RNF115: variants seen among roughly 807,000 people sequenced by gnomAD.
RNF115 encodes the protein ring finger protein 115, also known as E3 ubiquitin-protein ligase RNF115.
RNF115 carries 31 observed loss-of-function variants against 39.2 expected under a neutral mutation model. That is an observed-to-expected ratio of 0.79 (90% CI 0.59 to 1.07). RNF115 has a LOEUF of 1.07. Among genes scored for constraint, RNF115 ranks in the 50% least tolerant of loss-of-function variants. The probability of loss-of-function intolerance (pLI) is 0.00; values close to 1 mark genes in which losing one functional copy is unlikely to be tolerated. For synonymous variants in RNF115, 124 were observed against 131.0 expected, an observed-to-expected ratio of 0.95 and a Z score of 0.37; for missense variants, 384 against 381.7, an observed-to-expected ratio of 1.01 and a Z score of -0.05.
chr1:145,766,096 T>TAAGC (rs1241073790), intron 4 of RNF115, among the ~76,000 whole-genome samples: 3 of 149,482 alleles, frequency 2.0e-5, no homozygotes, highest in East Asian at 2.0e-4. Context: ...GGTCAGCAGA[T>TAAGC]AAGTGAACAA....
intron 1 of RNF115, among the ~76,000 whole-genome samples, chr1:145,804,477 C>T (rs1365976621): frequency 6.9e-6 from 1 of 144,262 alleles, no homozygotes. Context: ...TCATGTTGTC[C>T]ACCTTAAATG....
At chr1:145,752,651 C>T (rs913995063) in intron 5 of RNF115, among the ~76,000 whole-genome samples, 16 of 129,944 alleles carry the variant, frequency 1.2e-4, no homozygotes, top group Non-Finnish European at 1.7e-4. Flanking sequence ...TACAGTGGCG[C>T]GATCTCGGCT....
At chr1:145,747,919 T>C in intron 8 of RNF115, 76 bp downstream of exon 8, 1 of 975,738 alleles carries the variant, frequency 1.0e-6, no homozygotes, top group Admixed American at 1.7e-5. Context: ...TCTGATCTAC[T>C]TGGATCTCGA....
chr1:145,752,877 G>A (rs1216992625), intron 5 of RNF115, 101 bp downstream of exon 5: 18 of 803,776 alleles, frequency 2.2e-5, no homozygotes, highest in African/African-American at 5.2e-5. Flanking sequence ...ATGAGCCACC[G>A]CACCCGGCCT....
At chr1:145,776,028 A>G (rs1647867982) in intron 3 of RNF115, among the ~76,000 whole-genome samples, 1 of 150,514 alleles carries the variant, frequency 6.6e-6, no homozygotes, top group Non-Finnish European at 1.5e-5. Flanking sequence ...AAAAATAAAT[A>G]AAATAAAATA....
chr1:145,791,093 G>C (rs781997118), intron 1 of RNF115, among the ~76,000 whole-genome samples: 3 of 151,816 alleles, frequency 2.0e-5, no homozygotes, highest in Admixed American at 6.6e-5. Context: ...AGTGAGCCCA[G>C]ATAGTGCCAT....
At chr1:145,764,482 G>A (rs1415547856) in intron 4 of RNF115, among the ~76,000 whole-genome samples, 2 of 151,694 alleles carry the variant, frequency 1.3e-5, no homozygotes, top group African/African-American at 2.4e-5. Flanking sequence ...GCCTCTGCCC[G>A]GCCGCGACCC....
Position 145,748,047 on chromosome 1 carries a change from A to C in RNF115, c.731T>G (p.Leu244Ter). The change falls in exon 8 of 9, where the codon TTA (leucine) becomes TGA (stop). Residue 244 changes from leucine to a stop codon, truncating the protein, a stop_gained. Transcript: ENST00000582693. LOFTEE classifies it high-confidence loss of function. ...DYTVEEEVRQ[L>*]PCNHFFHSSC... is the part of the protein sequence containing the mutation. Reference sequence around the variant, plus strand: ...GCTGTGAAAGAAGTGATTGCAAGGTAACTGCCGGACTTCCTCTTCAACTGT... The same window carrying C: ...GCTGTGAAAGAAGTGATTGCAAGGTCACTGCCGGACTTCCTCTTCAACTGT... 6.2e-7 allele frequency: 1 copy of C among 1,613,946 alleles called. No homozygotes were observed. Among genetic ancestry groups the C allele is most frequent in the Non-Finnish European group, 8.5e-7 (1 of 1,179,824 alleles).
In RNF115 at chr1:145,742,715, T is replaced by C. The variant is rs1182197292; in HGVS notation, c.*4151A>G. On this transcript the variant is annotated 3_prime_UTR_variant, in exon 9 of 9. Transcript: ENST00000582693. ...ATCTCTATTTACACATATATACATA[T>C]ATAAAAATGTGCAATACAAAGACAT... is the stretch of plus-strand genomic sequence containing the variant. 1.3e-5 allele frequency: 2 copies of C among 152,210 alleles called. No homozygotes were observed. Among genetic ancestry groups the C allele is most frequent in the East Asian group, 3.9e-4 (2 of 5,194 alleles). The allele number at this position is 152,210 out of a possible 1,614,324, so 9.4% of individuals were successfully genotyped here.
At chr1:145,764,417 G>A (rs978981803) in intron 4 of RNF115, among the ~76,000 whole-genome samples, 1 of 147,828 alleles carries the variant, frequency 6.8e-6, no homozygotes, top group Admixed American at 6.7e-5. Context: ...GCCGCCCATC[G>A]TCTGAGATGT....
chr1:145,801,967 T>C (rs782433736), intron 1 of RNF115, among the ~76,000 whole-genome samples: 2 of 152,124 alleles, frequency 1.3e-5, no homozygotes, highest in Non-Finnish European at 2.9e-5. Flanking sequence ...TTTATATTTT[T>C]TGTAGAGACG....
At position 145,823,972 on chromosome 1, in the gene RNF115, G is replaced by T; in HGVS notation, c.-99C>A. The stretch of plus-strand genomic sequence containing the variant: ...AGTCGTCGCCGCCGCCGCCGCCTCG[G>T]TGCGGCCCACCGCTTCAGAGCCCGC... On this transcript the variant is annotated 5_prime_UTR_variant, in exon 1 of 9. Coordinates refer to ENST00000582693, the MANE Select transcript of RNF115 (RefSeq NM_014455.4). 2.3e-6 allele frequency: 2 copies of T among 871,386 alleles called. No individual in the cohort carries two copies. Among genetic ancestry groups the T allele is most frequent in the Non-Finnish European group, 3.2e-6 (2 of 619,728 alleles). The allele number at this position is 871,386 out of a possible 1,614,324, so 54.0% of individuals were successfully genotyped here.
At chr1:145,777,726 C>T (rs1647948722) in intron 3 of RNF115, among the ~76,000 whole-genome samples, 1 of 152,084 alleles carries the variant, frequency 6.6e-6, no homozygotes, top group African/African-American at 2.4e-5. Context: ...TAAAGAATCA[C>T]AGAGACAGTT....
chr1:145,756,556 T>C (rs782083600), intron 4 of RNF115, among the ~76,000 whole-genome samples: 4 of 152,096 alleles, frequency 2.6e-5, no homozygotes, highest in Non-Finnish European at 5.9e-5. Context: ...AAGGGTGTTA[T>C]GTTAGTTTCC....
At chr1:145,782,725 A>T (rs1264487314) in intron 3 of RNF115, among the ~76,000 whole-genome samples, 1 of 152,254 alleles carries the variant, frequency 6.6e-6, no homozygotes, top group African/African-American at 2.4e-5. Flanking sequence ...AACACTAAAG[A>T]AAAATCAAAT....
intron 2 of RNF115, 97 bp from the exon 3 acceptor site, chr1:145,784,693 T>C: frequency 4.0e-6 from 4 of 995,432 alleles, no homozygotes; most frequent in East Asian, 2.4e-5. Context: ...CAAAGCCCAA[T>C]AAGGAAAAAT....
intron 1 of RNF115, among the ~76,000 whole-genome samples, chr1:145,819,180 A>G (rs1650119353): frequency 6.6e-6 from 1 of 150,390 alleles, no homozygotes; most frequent in African/African-American, 2.4e-5. Context: ...TCATGCCTAC[A>G]ATCCCAGCAC....
At chr1:145,777,317 A>C (rs1258731036) in intron 3 of RNF115, among the ~76,000 whole-genome samples, 3 of 152,194 alleles carry the variant, frequency 2.0e-5, no homozygotes, top group Non-Finnish European at 4.4e-5. Context: ...ACTTTAGATG[A>C]CTATAAATTG....
intron 1 of RNF115, among the ~76,000 whole-genome samples, chr1:145,810,865 ATTTAT>A (rs1559131719): frequency 6.7e-6 from 1 of 148,628 alleles, no homozygotes. Context: ...AATTTTATTT[ATTTAT>A]TTATTTTTTT....
Sources: gnomAD v4.1 joint callset for allele counts (sites outside exome capture counted in the v4.1 genomes callset) on GRCh38, gnomAD v4.1.1 for gene constraint, MANE v1.5 for transcripts, NCBI Gene and HGNC (gene_info 2026-07-23, HGNC 2026-07-21) for gene names.